DNAJC6: variants seen among roughly 807,000 people sequenced by gnomAD.
DNAJC6 encodes the protein DnaJ heat shock protein family (Hsp40) member C6, also known as auxilin.
DNAJC6 carries 34 observed loss-of-function variants against 110.0 expected under a neutral mutation model. The observed-to-expected ratio is 0.31, with a 90% confidence interval of 0.24 to 0.41. The LOEUF is 0.41. DNAJC6 is among the 10% of genes least tolerant of loss of function. The probability of loss-of-function intolerance (pLI) is 1.00; values close to 1 mark genes in which losing one functional copy is unlikely to be tolerated. For missense variants in DNAJC6, 1,031 were observed against 1,207.8 expected, an observed-to-expected ratio of 0.85 and a Z score of 2.17; for synonymous variants, 406 against 437.2, an observed-to-expected ratio of 0.93 and a Z score of 0.89.
intron 1 of DNAJC6, among the ~76,000 whole-genome samples, chr1:65,275,336 A>G (rs758736378): frequency 2.6e-5 from 4 of 152,160 alleles, no homozygotes; most frequent in Non-Finnish European, 5.9e-5. Flanking sequence ...TTGAAGGACA[A>G]TTTTACTAGG....
rs9436711 is a variant in DNAJC6 at position 65,330,491 on chromosome 1, C to T, written c.193+20553C>T. 4.0e-3 allele frequency among the ~76,000 whole-genome samples: 613 copies of T among 151,906 alleles called. 3 individuals carry two copies. The highest frequency in any genetic ancestry group is 0.014 in the African/African-American group (587 of 41,402). On this transcript the variant is annotated intron_variant, in intron 1 of 18. Transcript: ENST00000371069. ...TTTTGTTTTGTTTTGTTTTTTGAGA[C>T]GGAGTCTTTCTCTGTTGCCCAGGCT...
chr1:65,387,935 G>A (rs565882750), intron 8 of DNAJC6, among the ~76,000 whole-genome samples: 59 of 152,296 alleles, frequency 3.9e-4, no homozygotes, highest in African/African-American at 1.4e-3. Flanking sequence ...ATTAGAGGGA[G>A]GATGAGGTGT....
intron 12 of DNAJC6, among the ~76,000 whole-genome samples, chr1:65,394,492 T>A (rs1025214316): frequency 6.6e-6 from 1 of 152,194 alleles, no homozygotes; most frequent in Non-Finnish European, 1.5e-5. Flanking sequence ...AAGACTAAAT[T>A]TTGAGCTCTT....
chr1:65,376,578 T>C (rs1645768437), intron 4 of DNAJC6, among the ~76,000 whole-genome samples: 1 of 151,810 alleles, frequency 6.6e-6, no homozygotes, highest in South Asian at 2.1e-4. Context: ...TGTTTTTGTA[T>C]ATTTCCATTT....
intron 12 of DNAJC6, among the ~76,000 whole-genome samples, chr1:65,393,923 A>G (rs566306833): frequency 2.0e-5 from 3 of 152,068 alleles, no homozygotes; most frequent in Non-Finnish European, 4.4e-5. Flanking sequence ...ATTACAGAGT[A>G]TTGGTGTTGA....
chr1:65,405,722 C>T, intron 15 of DNAJC6, 148 bp from the exon 16 acceptor site: 3 of 881,810 alleles, frequency 3.4e-6, no homozygotes, highest in Non-Finnish European at 5.0e-6. Context: ...ATATGTATGC[C>T]TGCAATTGCT....
At chr1:65,375,954 G>T (rs1365186721) in intron 4 of DNAJC6, among the ~76,000 whole-genome samples, 2 of 152,170 alleles carry the variant, frequency 1.3e-5, no homozygotes, top group Non-Finnish European at 2.9e-5. Context: ...AATAGTTTGA[G>T]TAGGATTAAT....
chr1:65,307,016 C>CTATATA (rs1436882652), upstream of DNAJC6, among the ~76,000 whole-genome samples: 27 of 73,692 alleles, frequency 3.7e-4, no homozygotes, highest in African/African-American at 7.7e-4. Context: ...CTCTCTCTCT[C>CTATATA]TCTATATATA....
intron 4 of DNAJC6, among the ~76,000 whole-genome samples, chr1:65,375,651 T>C (rs6689005): frequency 0.91 from 138,579 of 152,228 alleles, 63,294 homozygotes; most frequent in East Asian, 1. Context: ...TGGTCTCGAT[T>C]TCCTGACCTC....
intron 1 of DNAJC6, among the ~76,000 whole-genome samples, chr1:65,334,932 A>C (rs940796977): frequency 7.2e-5 from 11 of 152,220 alleles, no homozygotes; most frequent in Admixed American, 3.3e-4. Flanking sequence ...TCAAGTCTTA[A>C]AGGGGCATGC....
At chr1:65,264,943 GA>G in intron 1 of DNAJC6, 3 of 1,612,750 alleles carry the variant, frequency 1.9e-6, no homozygotes, top group Non-Finnish European at 2.5e-6. Flanking sequence ...GTAAGGGGCG[GA>G]CTGCAGAAAG....
intron 15 of DNAJC6, among the ~76,000 whole-genome samples, chr1:65,402,322 GT>G (rs1646037438): frequency 6.6e-6 from 1 of 152,196 alleles, no homozygotes; most frequent in South Asian, 2.1e-4. Context: ...ATTAACTGTG[GT>G]GCTCTCCGGT....
chr1:65,400,291 A>G (rs1646018703), intron 14 of DNAJC6, among the ~76,000 whole-genome samples: 2 of 152,250 alleles, frequency 1.3e-5, no homozygotes, highest in Non-Finnish European at 2.9e-5. Flanking sequence ...TAGCTAATTA[A>G]CAAATGCATT....
At chr1:65,361,073 T>C (rs1645592296) in intron 1 of DNAJC6, among the ~76,000 whole-genome samples, 1 of 152,216 alleles carries the variant, frequency 6.6e-6, no homozygotes, top group Non-Finnish European at 1.5e-5. Context: ...TGCACAGATA[T>C]GGGTTTGAAT....
intron 4 of DNAJC6, among the ~76,000 whole-genome samples, chr1:65,368,308 G>T (rs1645668463): frequency 6.6e-6 from 1 of 152,024 alleles, no homozygotes; most frequent in African/African-American, 2.4e-5. Flanking sequence ...GGCTCTTGAT[G>T]ATCTAGCCTC....
At chr1:65,313,721 G>A (rs1416084930) in intron 1 of DNAJC6, among the ~76,000 whole-genome samples, 1 of 152,188 alleles carries the variant, frequency 6.6e-6, no homozygotes, top group African/African-American at 2.4e-5. Context: ...GGAATGTAAT[G>A]GCTTTCTAAG....
chr1:65,401,624 C>A, intron 14 of DNAJC6, 137 bp from the exon 15 acceptor site: 2 of 1,233,182 alleles, frequency 1.6e-6, no homozygotes, highest in Non-Finnish European at 2.2e-6. Context: ...GAAACAGGGT[C>A]TAGCAACTTC....
intron 1 of DNAJC6, among the ~76,000 whole-genome samples, chr1:65,316,761 T>C (rs1230423777): frequency 6.6e-6 from 1 of 152,212 alleles, no homozygotes; most frequent in Admixed American, 6.5e-5. Context: ...TGAGCATTTT[T>C]TCATATGTAA....
In DNAJC6 at chr1:65,397,771, A is replaced by G. The variant is rs537286514; in HGVS notation, c.2039-1042A>G. ...GTGTAAAAATAGAAGGGATAAATAG[A>G]AAAGAAAGAATTATTATTGCTGATA... On this transcript the variant is annotated intron_variant, in intron 13 of 18. Coordinates refer to ENST00000371069, the MANE Select transcript of DNAJC6 (RefSeq NM_001256864.2). 3.9e-5 allele frequency among the ~76,000 whole-genome samples: 6 copies of G among 152,374 alleles called. No homozygotes were observed. In the South Asian group the frequency reaches 1.2e-3, roughly 32 times the overall value.
Sources: allele counts gnomAD v4.1 joint callset (sites outside exome capture counted in the v4.1 genomes callset), GRCh38; gene constraint gnomAD v4.1.1; transcripts MANE v1.5; gene names NCBI Gene and HGNC (gene_info 2026-07-23, HGNC 2026-07-21).